Variants in NPNT observed in about 807,000 individuals in gnomAD.
NPNT encodes nephronectin.
NPNT carries 45 observed loss-of-function variants against 68.6 expected under a neutral mutation model. The ratio of observed to expected loss-of-function variants is 0.66; its 90% CI spans 0.52 to 0.84. NPNT has a LOEUF of 0.84. Ranked by LOEUF, NPNT falls within the 40% of genes least tolerant of loss-of-function variation. The pLI is 0.00. For synonymous variants in NPNT, 233 were observed against 253.3 expected (o/e 0.92, Z 0.76); for missense variants, 672 against 714.8 (o/e 0.94, Z 0.68).
chr4:105,953,180 T>G lies in NPNT; in HGVS notation c.1160-5291T>G, dbSNP rs1341385419. Among the ~76,000 whole-genome samples the G allele has an allele frequency of 2.6e-5, 4 of 152,062 alleles. No individual in the cohort carries two copies. The East Asian group carries it at 7.7e-4, about 29-fold the overall frequency. On this transcript the variant is annotated intron_variant, in intron 8 of 11. Coordinates refer to ENST00000379987, the MANE Select transcript of NPNT (RefSeq NM_001033047.3). ...GACTCTGTCTCAAAAGAAAAAAAAT[T>G]ATCCTGTCTCCGGGCAGTGTCTCTG...
In NPNT at chr4:105,971,017, T is replaced by C; in HGVS notation, c.*2027T>C. The C allele has an allele frequency of 2.8e-6, 1 of 357,388 alleles. No homozygotes were observed. The highest frequency in any genetic ancestry group is 5.7e-6 in the Non-Finnish European group (1 of 176,514). 22.1% of individuals were successfully genotyped at this position (357,388 alleles called of 1,614,324 possible). ...CAGATATTTTAGTATCTCAGTAATG[T>C]CCTAGTGTGGCGGTGGTTTTCAATG... On this transcript the variant is annotated 3_prime_UTR_variant, in exon 12 of 12. Transcript: ENST00000379987.
At chr4:105,916,446 T>C (rs1727827769) in intron 2 of NPNT, among the ~76,000 whole-genome samples, 1 of 151,946 alleles carries the variant, frequency 6.6e-6, no homozygotes, top group Non-Finnish European at 1.5e-5. Context: ...GGTCTTGAAC[T>C]CCTGAGCTCA....
At chr4:105,967,146 G>A in intron 10 of NPNT, 42 bp from the exon 11 acceptor site, 2 of 1,598,158 alleles carry the variant, frequency 1.3e-6, no homozygotes, top group Non-Finnish European at 1.7e-6. Flanking sequence ...TTCTAGAAAG[G>A]GATATTGGCA....
intron 3 of NPNT, among the ~76,000 whole-genome samples, chr4:105,931,442 C>A (rs1352622765): frequency 2.0e-5 from 3 of 151,970 alleles, no homozygotes; most frequent in Non-Finnish European, 2.9e-5. Context: ...CTAGTTACAT[C>A]TGAAAGTTGA....
intron 2 of NPNT, among the ~76,000 whole-genome samples, chr4:105,899,422 C>T (rs779091197): frequency 6.6e-6 from 1 of 152,162 alleles, no homozygotes; most frequent in Non-Finnish European, 1.5e-5. Flanking sequence ...GACTAAATTC[C>T]ACCAGGCACC....
At position 105,937,989 on chromosome 4, in the gene NPNT, TGA is replaced by T. The variant is rs1729627210; in HGVS notation, c.386-309_386-308del. ...CCCCTAGAGAAATTTCATGGGCATT[TGA>T]GACAGTTACTTGGATGATTAGTTAA... On this transcript the variant is annotated intron_variant, in intron 4 of 11. Transcript: ENST00000379987. Among the ~76,000 whole-genome samples the T allele has an allele frequency of 2.6e-5, 4 of 152,226 alleles. No individual in the cohort carries two copies. In the South Asian group the frequency reaches 8.3e-4, roughly 32 times the overall value.
chr4:105,907,047 C>T (rs573911320), intron 2 of NPNT, among the ~76,000 whole-genome samples: 1 of 152,130 alleles, frequency 6.6e-6, no homozygotes, highest in Non-Finnish European at 1.5e-5. Context: ...TATAGGTGTT[C>T]CGGGGAGTCA....
At position 105,923,076 on chromosome 4, in the gene NPNT, C is replaced by T. The variant is rs530795863; in HGVS notation, c.173-4260C>T. Among the ~76,000 whole-genome samples, 45 of 152,246 alleles carry T rather than the reference C, an allele frequency of 3.0e-4. No homozygotes were observed. The South Asian group carries it at 9.3e-3, about 32-fold the overall frequency. ...CAAGAATTTTAATATTTTTGAAGAC[C>T]ACTGAAAATGGATCATTTATACTTT... On this transcript the variant is annotated intron_variant, in intron 2 of 11. Coordinates refer to ENST00000379987, the MANE Select transcript of NPNT (RefSeq NM_001033047.3).
chr4:105,968,653 C>T (rs1732358732), intron 11 of NPNT, among the ~76,000 whole-genome samples: 1 of 152,198 alleles, frequency 6.6e-6, no homozygotes, highest in South Asian at 2.1e-4. Context: ...TGGTCTATAG[C>T]TTAGAATGGC....
At chr4:105,904,709 G>T (rs950618501) in intron 2 of NPNT, among the ~76,000 whole-genome samples, 3 of 151,888 alleles carry the variant, frequency 2.0e-5, no homozygotes, top group Non-Finnish European at 2.9e-5. Context: ...TTGAGACGGG[G>T]TCTCACTCTG....
chr4:105,914,629 G>T (rs914428951), intron 2 of NPNT, among the ~76,000 whole-genome samples: 24 of 151,300 alleles, frequency 1.6e-4, no homozygotes, highest in African/African-American at 5.6e-4. Context: ...GGCAATACTG[G>T]GTAAGAGGCA....
At chr4:105,912,020 A>G in intron 2 of NPNT, 1 of 594,806 alleles carries the variant, frequency 1.7e-6, no homozygotes, top group Non-Finnish European at 3.0e-6. Context: ...ATGGTGACTA[A>G]AATATTACTA....
chr4:105,960,948 A>G (rs527971543), intron 10 of NPNT, among the ~76,000 whole-genome samples: 1 of 152,292 alleles, frequency 6.6e-6, no homozygotes, highest in African/African-American at 2.4e-5. Flanking sequence ...TTATAAAAGT[A>G]TTTTTTTAAA....
intron 2 of NPNT, among the ~76,000 whole-genome samples, chr4:105,898,380 C>CTCTCTCTCTCTCTCTCTCTT (rs58673636): frequency 1.1e-4 from 12 of 112,464 alleles, no homozygotes; most frequent in African/African-American, 4.4e-4. Flanking sequence ...CTCTCTCTCT[C>CTCTCTCTCTCTCTCTCTCTT]GCTGACTCGC....
intron 10 of NPNT, among the ~76,000 whole-genome samples, chr4:105,965,368 A>C (rs1050806530): frequency 2.6e-5 from 4 of 152,042 alleles, no homozygotes; most frequent in Non-Finnish European, 5.9e-5. Context: ...GCCAAAAAAA[A>C]AAAAAAAAAC....
Position 105,969,882 on chromosome 4 carries a change from C to T in NPNT, c.*892C>T, listed in dbSNP as rs973394005. ...AAAGGATAGGAAACCTTTAGGAAGA[C>T]AAGAAACTGCAGTTAATTTAGAACT... is the stretch of plus-strand genomic sequence containing the variant. On this transcript the variant is annotated 3_prime_UTR_variant, in exon 12 of 12. Coordinates refer to ENST00000379987, the MANE Select transcript of NPNT (RefSeq NM_001033047.3). 1 of 153,366 alleles carries T rather than the reference C, an allele frequency of 6.5e-6. No homozygotes were observed. Among genetic ancestry groups the T allele is most frequent in the Non-Finnish European group, 1.4e-5 (1 of 69,056 alleles). The allele number at this position is 153,366 out of a possible 1,614,324, so 9.5% of individuals were successfully genotyped here.
rs79169124 is a variant in NPNT at position 105,963,877 on chromosome 4, C to G, written c.1346-3311C>G. 4.6e-3 allele frequency among the ~76,000 whole-genome samples: 700 copies of G among 152,036 alleles called. 5 individuals are homozygous for G. Among genetic ancestry groups the G allele is most frequent in the African/African-American group, 0.016 (683 of 41,444 alleles). On this transcript the variant is annotated intron_variant, in intron 10 of 11. Coordinates refer to ENST00000379987, the MANE Select transcript of NPNT (RefSeq NM_001033047.3). The stretch of plus-strand genomic sequence containing the variant: ...TGAAAGCTTTCTACCATCCCTGACT[C>G]CCATTCACCACCCAGCAAGATGCAG...
chr4:105,968,849 GA>G, intron 11 of NPNT, 45 bp from the exon 12 acceptor site: 1 of 1,115,462 alleles, frequency 9.0e-7, no homozygotes, highest in Non-Finnish European at 1.3e-6. Context: ...GGAGGCATTA[GA>G]AAGGGGCAGA....
At chr4:105,967,060 C>A (rs943934277) in intron 10 of NPNT, 128 bp from the exon 11 acceptor site, 9 of 868,090 alleles carry the variant, frequency 1.0e-5, no homozygotes, top group Non-Finnish European at 1.6e-5. Context: ...TCATATTTTT[C>A]TTCTTCAAAA....
Sources: allele counts gnomAD v4.1 joint callset (sites outside exome capture counted in the v4.1 genomes callset), GRCh38; gene constraint gnomAD v4.1.1; transcripts MANE v1.5; gene names NCBI Gene and HGNC (gene_info 2026-07-23, HGNC 2026-07-21).